ATXN2: variants seen among roughly 807,000 people sequenced by gnomAD.
The protein encoded by ATXN2 is ataxin 2, also known as ataxin-2.
In ATXN2, 37 loss-of-function variants were observed where a neutral mutation model predicts 138.6. The observed-to-expected ratio is 0.27, with a 90% CI of 0.21 to 0.35. The LOEUF is 0.35. ATXN2 is among the 10% of genes least tolerant of loss of function. ATXN2 has a pLI of 1.00. For missense variants in ATXN2, 1,216 were observed against 1,480.3 expected (o/e 0.82, Z 2.93); for synonymous variants, 549 against 543.7 (o/e 1.01, Z -0.13).
rs1229000856 is a variant in ATXN2, at chr12:111,598,217, G to C, written c.251+567C>G. 2 of 1,049,650 alleles carry C rather than the reference G, an allele frequency of 1.9e-6. No individual in the cohort carries two copies. Among genetic ancestry groups the C allele is most frequent in the Non-Finnish European group, 2.3e-6 (2 of 866,846 alleles). The allele number at this position is 1,049,650 out of a possible 1,614,324, so 65.0% of individuals were successfully genotyped here. On this transcript the variant is annotated intron_variant, in intron 1 of 24. Transcript: ENST00000673436. This position sits in a 1 kb window ranked among gnomAD's most constrained non-coding sequence, Gnocchi z 4.5. ...CTCCGATCTTTCCCAGGACTCGGAG[G>C]GGGCGGGGAGAGAGCCCCGACAGAC...
chr12:111,482,119 A>AGGGAGGTGGATCACTTGAGGCC (rs1877279967), intron 18 of ATXN2, among the ~76,000 whole-genome samples: 1 of 147,886 alleles, frequency 6.8e-6, no homozygotes, highest in African/African-American at 2.5e-5. Context: ...TGGGAGGCCG[A>AGGGAGGTGGATCACTTGAGGCC]GGGAGGTGGA....
intron 5 of ATXN2, among the ~76,000 whole-genome samples, chr12:111,550,843 G>C (rs1379477037): frequency 6.6e-6 from 1 of 152,066 alleles, no homozygotes; most frequent in Admixed American, 6.6e-5. Context: ...AAGAATCCTG[G>C]TATATTATTA....
Position 111,598,664 on chromosome 12 carries a change from C to T in ATXN2, c.251+120G>A. 1.1e-6 allele frequency: 1 copy of T among 889,316 alleles called. No individual in the cohort carries two copies. Among genetic ancestry groups the T allele is most frequent in the Non-Finnish European group, 1.4e-6 (1 of 736,494 alleles). The allele number at this position is 889,316 out of a possible 1,614,324, so 55.1% of individuals were successfully genotyped here. ...CAGGCCCGAGCGAGTCTCCCCCGCGCTGCCGGCCCCCAGCCCACCCCGGGT... is the reference window on the plus strand; with the variant it reads ...CAGGCCCGAGCGAGTCTCCCCCGCGTTGCCGGCCCCCAGCCCACCCCGGGT... On this transcript the variant is annotated intron_variant, in intron 1 of 24. Transcript: ENST00000673436. This position sits in a 1 kb window ranked among gnomAD's most constrained non-coding sequence, Gnocchi z 4.5.
intron 1 of ATXN2, among the ~76,000 whole-genome samples, chr12:111,562,589 G>A (rs773051256): frequency 1.3e-5 from 2 of 151,536 alleles, no homozygotes; most frequent in African/African-American, 4.9e-5. Context: ...GAGTGGTGGC[G>A]CATGTCTGTA....
At chr12:111,533,654 T>A (rs977506189) in intron 5 of ATXN2, among the ~76,000 whole-genome samples, 1 of 152,050 alleles carries the variant, frequency 6.6e-6, no homozygotes, top group Non-Finnish European at 1.5e-5. Context: ...ACCTCTCGAG[T>A]AGCTGGGATT....
chr12:111,516,342 C>A lies in ATXN2; in HGVS notation c.1187G>T (p.Cys396Phe). Residue 396 changes from cysteine to phenylalanine, a missense_variant, in exon 10 of 25, where the codon TGC (cysteine) becomes TTC (phenylalanine). By Grantham distance (205) the Cys-to-Phe change is radical. Coordinates refer to ENST00000673436, the MANE Select transcript of ATXN2 (RefSeq NM_001372574.1). This position sits in a 1 kb window ranked among gnomAD's most constrained non-coding sequence, Gnocchi z 5.0. Reference protein sequence around the residue: ...VNGGVPWPSPCPSPSSRPPSR... With the variant: ...VNGGVPWPSPFPSPSSRPPSR... ...AGGTGGGCGAGAGGAAGGAGATGGG[C>A]AAGGCGATGGCCAGGGAACACCTGA... is the stretch of plus-strand genomic sequence containing the variant. 1 of 1,580,788 alleles carries A rather than the reference C, an allele frequency of 6.3e-7. No homozygotes were observed. The highest frequency in any genetic ancestry group is 8.6e-7 in the Non-Finnish European group (1 of 1,166,324).
chr12:111,599,528 C>T (rs1338032011), upstream of ATXN2: 4 of 1,207,796 alleles, frequency 3.3e-6, no homozygotes, highest in Non-Finnish European at 4.1e-6. Flanking sequence ...AGGGCGGGCG[C>T]GCCGAGGCGC....
At chr12:111,485,053 A>C in intron 18 of ATXN2, 5 of 460,956 alleles carry the variant, frequency 1.1e-5, no homozygotes, top group Non-Finnish European at 2.0e-5. Context: ...TGAAGAGGAT[A>C]CTATATAATC....
In ATXN2 at chr12:111,552,525, C is replaced by T; in HGVS notation, c.421-95G>A. ...CATCAAGGTACCAGTTCTTATATGC[C>T]TTTGACAAAAATAATCTCAAGAGAA... is the stretch of plus-strand genomic sequence containing the variant. On this transcript the variant is annotated intron_variant, in intron 4 of 24. Coordinates refer to ENST00000673436, the MANE Select transcript of ATXN2 (RefSeq NM_001372574.1). The surrounding 1 kb of genome is among the most constrained non-coding windows in gnomAD (Gnocchi z 4.1). 1 of 1,258,772 alleles carries T rather than the reference C, an allele frequency of 7.9e-7. No homozygotes were observed. The highest frequency in any genetic ancestry group is 1.1e-6 in the Non-Finnish European group (1 of 926,838). The allele number at this position is 1,258,772 out of a possible 1,614,324, so 78.0% of individuals were successfully genotyped here.
Position 111,453,111 on chromosome 12 carries a change from C to A in ATXN2, c.3440-271G>T. The A allele has an allele frequency of 7.9e-7, 1 of 1,258,136 alleles. No individual in the cohort carries two copies. The highest frequency in any genetic ancestry group is 1.0e-6 in the Non-Finnish European group (1 of 1,001,230). The allele number at this position is 1,258,136 out of a possible 1,614,324, so 77.9% of individuals were successfully genotyped here. On this transcript the variant is annotated intron_variant, in intron 24 of 24. Coordinates refer to ENST00000673436, the MANE Select transcript of ATXN2 (RefSeq NM_001372574.1). This position sits in a 1 kb window ranked among gnomAD's most constrained non-coding sequence, Gnocchi z 5.4. ...AAAAGGCCTTAACAAACCCCCTCCC[C>A]AAATATTAGCCAAGCACCAGTATTG...
intron 1 of ATXN2, among the ~76,000 whole-genome samples, chr12:111,596,796 G>C (rs1327032488): frequency 6.6e-6 from 1 of 152,078 alleles, no homozygotes; most frequent in Admixed American, 6.5e-5. Context: ...TCAAGGAACA[G>C]AAAAAAGACC....
intron 14 of ATXN2, among the ~76,000 whole-genome samples, chr12:111,508,990 C>T (rs570702509): frequency 1.3e-5 from 2 of 152,048 alleles, no homozygotes; most frequent in South Asian, 4.1e-4. Context: ...TTCTAAGAAG[C>T]TAAGTTTCAA....
At chr12:111,561,136 G>A (rs1031467459) in intron 1 of ATXN2, among the ~76,000 whole-genome samples, 7 of 151,612 alleles carry the variant, frequency 4.6e-5, no homozygotes, top group Non-Finnish European at 8.8e-5. Context: ...AGTGAGCCGA[G>A]ATTGTGCCAC....
intron 21 of ATXN2, 43 bp from the exon 22 acceptor site, chr12:111,457,402 A>G: frequency 1.3e-6 from 2 of 1,560,562 alleles, no homozygotes; most frequent in Non-Finnish European, 1.7e-6. Flanking sequence ...CCGATGTCTG[A>G]CAACCTCCAT....
intron 1 of ATXN2, among the ~76,000 whole-genome samples, chr12:111,579,699 C>CTTT (rs553336363): frequency 7.2e-6 from 1 of 138,876 alleles, no homozygotes; most frequent in East Asian, 2.1e-4. Flanking sequence ...TACAGACGAC[C>CTTT]TTTTTTTTTT....
intron 14 of ATXN2, among the ~76,000 whole-genome samples, chr12:111,500,879 A>C (rs1459518230): frequency 6.6e-6 from 1 of 152,226 alleles, no homozygotes; most frequent in Non-Finnish European, 1.5e-5. Context: ...CTAAAAATAA[A>C]TAAATAAAAT....
At chr12:111,581,779 G>T (rs1592926208) in intron 1 of ATXN2, 1 of 554,212 alleles carries the variant, frequency 1.8e-6, no homozygotes, top group Non-Finnish European at 3.4e-6. Flanking sequence ...TCTATCAACA[G>T]ATCAGGAGGC....
At chr12:111,481,116 C>G (rs1351949707) in intron 18 of ATXN2, among the ~76,000 whole-genome samples, 1 of 151,974 alleles carries the variant, frequency 6.6e-6, no homozygotes, top group African/African-American at 2.4e-5. Flanking sequence ...TCAAGACCAG[C>G]CTGGCCAACA....
chr12:111,487,564 A>C (rs1877727467), intron 15 of ATXN2, among the ~76,000 whole-genome samples: 1 of 151,736 alleles, frequency 6.6e-6, no homozygotes, highest in African/African-American at 2.4e-5. Context: ...GGGTTCAAGC[A>C]ATTCTCCTGC....
Sources: allele counts gnomAD v4.1 joint callset (sites outside exome capture counted in the v4.1 genomes callset), GRCh38; gene constraint gnomAD v4.1.1; non-coding constraint Gnocchi (gnomAD v3.1); transcripts MANE v1.5; gene names NCBI Gene and HGNC (gene_info 2026-07-23, HGNC 2026-07-21).